LTBP1: variants seen among roughly 807,000 people sequenced by gnomAD.
LTBP1 encodes the protein latent-transforming growth factor beta-binding protein 1.
Under a neutral mutation model 207.6 loss-of-function variants are expected in LTBP1, and 129 were observed. The observed-to-expected ratio is 0.62, with a 90% CI of 0.54 to 0.72. The LOEUF is 0.72. Among genes scored for constraint, LTBP1 ranks in the 30% least tolerant of loss-of-function variants. LTBP1 has a pLI of 0.00. For synonymous variants in LTBP1, 963 were observed against 833.7 expected (o/e 1.16, Z -2.67); for missense variants, 2,281 against 2,217.2 (o/e 1.03, Z -0.58).
chr2:33,158,123 T>G (rs972716724), intron 5 of LTBP1, among the ~76,000 whole-genome samples: 1 of 103,920 alleles, frequency 9.6e-6, no homozygotes, highest in Non-Finnish European at 1.8e-5. Flanking sequence ...GCAACAAGAG[T>G]GAAACTCTTG....
intron 3 of LTBP1, among the ~76,000 whole-genome samples, chr2:33,089,001 C>G (rs547025057): frequency 2.0e-5 from 3 of 151,318 alleles, no homozygotes; most frequent in African/African-American, 4.8e-5. Flanking sequence ...ACTAAAAATA[C>G]AAAAATTAGC....
At chr2:33,210,353 G>C (rs908921697) in intron 7 of LTBP1, among the ~76,000 whole-genome samples, 3 of 152,066 alleles carry the variant, frequency 2.0e-5, no homozygotes, top group African/African-American at 7.2e-5. Flanking sequence ...CTCCAGTATA[G>C]TTTCTTCCTT....
chr2:33,300,655 T>C, intron 21 of LTBP1, 82 bp downstream of exon 21: 1 of 1,420,718 alleles, frequency 7.0e-7, no homozygotes, highest in South Asian at 1.4e-5. Context: ...CAAGTGAGTT[T>C]ACCTTTTAAA....
intron 3 of LTBP1, among the ~76,000 whole-genome samples, chr2:33,087,132 C>A (rs1272558531): frequency 1.6e-5 from 2 of 122,988 alleles, no homozygotes; most frequent in Non-Finnish European, 3.3e-5. Context: ...TTCTCTGTCA[C>A]CTAGGCTGGA....
At chr2:33,205,971 C>T (rs1170343389) in intron 7 of LTBP1, among the ~76,000 whole-genome samples, 2 of 151,892 alleles carry the variant, frequency 1.3e-5, no homozygotes, top group East Asian at 1.9e-4. Flanking sequence ...CATGTTGGTA[C>T]CATAATCTTG....
At chr2:33,209,862 C>G (rs1465055155) in intron 7 of LTBP1, among the ~76,000 whole-genome samples, 6 of 152,188 alleles carry the variant, frequency 3.9e-5, no homozygotes, top group African/African-American at 1.4e-4. Flanking sequence ...CAGTCCGTCT[C>G]ACATGTGTTG....
intron 2 of LTBP1, among the ~76,000 whole-genome samples, chr2:32,975,499 C>G (rs1316768225): frequency 2.0e-5 from 3 of 147,568 alleles, no homozygotes; most frequent in Non-Finnish European, 3.0e-5. Context: ...TACTTTCTCA[C>G]TCTTTCTTTC....
intron 26 of LTBP1, among the ~76,000 whole-genome samples, chr2:33,358,717 A>G (rs956839204): frequency 6.6e-6 from 1 of 152,118 alleles, no homozygotes; most frequent in Non-Finnish European, 1.5e-5. Context: ...AGCTAGCTAC[A>G]TTTTTGGACC....
chr2:33,026,452 T>C (rs1293128825), intron 3 of LTBP1, among the ~76,000 whole-genome samples: 1 of 152,214 alleles, frequency 6.6e-6, no homozygotes, highest in African/African-American at 2.4e-5. Context: ...TCTAAATCCT[T>C]GTCTATGGAT....
intron 2 of LTBP1, among the ~76,000 whole-genome samples, chr2:32,990,460 T>G (rs183966856): frequency 6.8e-4 from 104 of 152,344 alleles, no homozygotes; most frequent in African/African-American, 2.3e-3. Flanking sequence ...AAAATGCACT[T>G]AGAAACACAC....
intron 9 of LTBP1, among the ~76,000 whole-genome samples, chr2:33,241,597 A>G (rs2092325010): frequency 1.3e-5 from 2 of 152,214 alleles, no homozygotes; most frequent in South Asian, 4.1e-4. Flanking sequence ...CAATCTTATC[A>G]TGGAATGTGT....
At chr2:32,948,745 T>C in intron 1 of LTBP1, 130 bp from the exon 2 acceptor site, 1 of 839,306 alleles carries the variant, frequency 1.2e-6, no homozygotes, top group Non-Finnish European at 2.0e-6. Flanking sequence ...CCAGGGTACC[T>C]GTTAGGACTC....
At chr2:33,098,724 C>A (rs972654376) in intron 3 of LTBP1, among the ~76,000 whole-genome samples, 2 of 152,134 alleles carry the variant, frequency 1.3e-5, no homozygotes, top group Non-Finnish European at 2.9e-5. Flanking sequence ...CAGGTGTGAG[C>A]CACCGCGCCT....
At chr2:33,287,120 C>T (rs1193001470) in intron 19 of LTBP1, among the ~76,000 whole-genome samples, 2 of 151,764 alleles carry the variant, frequency 1.3e-5, no homozygotes, top group South Asian at 2.1e-4. Context: ...ACAACAACAA[C>T]AACTTTTGAA....
chr2:33,209,726 G>A (rs1416190615), intron 7 of LTBP1, among the ~76,000 whole-genome samples: 1 of 152,150 alleles, frequency 6.6e-6, no homozygotes, highest in East Asian at 1.9e-4. Context: ...CTGGGATATT[G>A]TATATCGAAT....
chr2:33,332,252 G>A lies in LTBP1; in HGVS notation c.3731-10586G>A, dbSNP rs569641960. Among the ~76,000 whole-genome samples, 4 of 151,286 alleles carry A rather than the reference G, an allele frequency of 2.6e-5. No individual in the cohort carries two copies. The South Asian group carries it at 8.3e-4, about 31-fold the overall frequency. Reference sequence around the variant, plus strand: ...TTTTCTGATTTTAAGAGTAACATAAGCCAGGTGTGGTGGTGGGTACCTGTA... The same window carrying A: ...TTTTCTGATTTTAAGAGTAACATAAACCAGGTGTGGTGGTGGGTACCTGTA... On this transcript the variant is annotated intron_variant, in intron 24 of 33. Coordinates refer to ENST00000404816, the MANE Select transcript of LTBP1 (RefSeq NM_206943.4).
intron 26 of LTBP1, among the ~76,000 whole-genome samples, chr2:33,357,806 A>G (rs1193417349): frequency 6.6e-6 from 1 of 152,246 alleles, no homozygotes; most frequent in East Asian, 1.9e-4. Context: ...TATGTAGTAC[A>G]GCTAATCTTA....
Position 33,397,503 on chromosome 2 carries a change from A to ATT in LTBP1, c.4984+222_4984+223dup, listed in dbSNP as rs1459402012. ...AATATGTTCTGTGTATTTTACCACA[A>ATT]TTCTTTTTTTTTTTTTTTTTTGAGA... On this transcript the variant is annotated intron_variant, in intron 33 of 33. Coordinates refer to ENST00000404816, the MANE Select transcript of LTBP1 (RefSeq NM_206943.4). Among the ~76,000 whole-genome samples, 257 of 77,888 alleles carry ATT rather than the reference A, an allele frequency of 3.3e-3. 6 individuals are homozygous for ATT. The highest frequency in any genetic ancestry group is 0.012 in the African/African-American group (242 of 20,050). The allele number at this position is 77,888 out of a possible 152,430, so 51.1% of individuals were successfully genotyped here.
intron 17 of LTBP1, 59 bp from the exon 18 acceptor site, chr2:33,275,742 G>T (rs2093412619): frequency 1.2e-6 from 2 of 1,601,502 alleles, no homozygotes; most frequent in South Asian, 1.1e-5. Flanking sequence ...TGGGAGATGG[G>T]AGAGGTTTGA....
Sources: allele counts gnomAD v4.1 joint callset (sites outside exome capture counted in the v4.1 genomes callset), GRCh38; gene constraint gnomAD v4.1.1; transcripts MANE v1.5; gene names NCBI Gene and HGNC (gene_info 2026-07-23, HGNC 2026-07-21).